The following CDC40 variants were observed in gnomAD, a reference collection of about 807,000 sequenced individuals.
CDC40 encodes the protein cell division cycle 40, also known as pre-mRNA-processing factor 17.
Under a neutral mutation model 80.6 loss-of-function variants are expected in CDC40, and 27 were observed. The ratio of observed to expected loss-of-function variants is 0.33; its 90% CI spans 0.25 to 0.46. The LOEUF (loss-of-function observed/expected upper bound fraction) is 0.46, where lower values mean the gene tolerates loss of function less well. Among genes scored for constraint, CDC40 ranks in the 20% least tolerant of loss-of-function variants. CDC40 has a pLI of 1.00. For missense variants in CDC40, 486 were observed against 694.1 expected, an observed-to-expected ratio of 0.70 and a Z score of 3.37; for synonymous variants, 221 against 232.6, an observed-to-expected ratio of 0.95 and a Z score of 0.45.
In CDC40 at chr6:110,209,952, G is replaced by A. The variant is rs2114663047; in HGVS notation, c.630+729G>A. 1.3e-5 allele frequency among the ~76,000 whole-genome samples: 2 copies of A among 152,118 alleles called. 1 individual carries two copies. Among genetic ancestry groups the A allele is most frequent in the South Asian group, 4.2e-4 (2 of 4,814 alleles). On this transcript the variant is annotated intron_variant, in intron 5 of 14. Transcript: ENST00000307731. ...GAGATTTACTACTACCCCATCTTCT[G>A]TCCCCAGCTCCTCCCAAAAAAATTG...
intron 1 of CDC40, among the ~76,000 whole-genome samples, chr6:110,183,504 AG>A (rs1299407166): frequency 6.6e-6 from 1 of 152,206 alleles, no homozygotes; most frequent in Non-Finnish European, 1.5e-5. Flanking sequence ...AGTCCATTAG[AG>A]GTAGAGCTGG....
chr6:110,193,402 C>T (rs995508051), intron 2 of CDC40, 134 bp downstream of exon 2: 6 of 585,896 alleles, frequency 1.0e-5, no homozygotes, highest in Non-Finnish European at 1.8e-5. Flanking sequence ...ATACATGCTT[C>T]TTTTTTGTTG....
chr6:110,192,059 T>C (rs1157941105), intron 1 of CDC40, among the ~76,000 whole-genome samples: 1 of 152,180 alleles, frequency 6.6e-6, no homozygotes, highest in African/African-American at 2.4e-5. Flanking sequence ...GAACCAGTGG[T>C]TGTCAGGCCT....
intron 5 of CDC40, among the ~76,000 whole-genome samples, chr6:110,209,969 A>G (rs1584074988): frequency 6.6e-6 from 1 of 152,124 alleles, no homozygotes; most frequent in Non-Finnish European, 1.5e-5. Flanking sequence ...GCTCCTCCCA[A>G]AAAAATTGTG....
chr6:110,199,538 G>C (rs1018161341), intron 2 of CDC40, among the ~76,000 whole-genome samples: 1 of 150,294 alleles, frequency 6.7e-6, no homozygotes, highest in Non-Finnish European at 1.5e-5. Flanking sequence ...AGCTTGCAGC[G>C]AGCTGAGATT....
chr6:110,206,784 A>C (rs899789277), intron 3 of CDC40, among the ~76,000 whole-genome samples: 2 of 152,198 alleles, frequency 1.3e-5, no homozygotes, highest in Non-Finnish European at 2.9e-5. Context: ...TTAGCCCTGC[A>C]ATATCTATTA....
chr6:110,226,222 G>A lies in CDC40; in HGVS notation c.1396G>A (p.Ala466Thr), dbSNP rs756531555. Reference sequence around the variant, plus strand: ...AGAACCCAGTATGCACTCAATGCCTGCAGTGACTTTGTCTCCAAATGGTGA... The same window carrying A: ...AGAACCCAGTATGCACTCAATGCCTACAGTGACTTTGTCTCCAAATGGTGA... ...IAEPSMHSMPAVTLSPNGKWL... is the reference protein window; with the variant it reads ...IAEPSMHSMPTVTLSPNGKWL... The change falls in exon 13 of 15, where the codon GCA (alanine) becomes ACA (threonine). Residue 466 changes from alanine (A) to threonine (T), a missense_variant. Transcript: ENST00000307731. 5.6e-6 allele frequency: 9 copies of A among 1,604,658 alleles called. No individual in the cohort carries two copies. Among genetic ancestry groups the A allele is most frequent in the African/African-American group, 4.0e-5 (3 of 74,736 alleles).
At chr6:110,229,848 AT>A (rs1195784597) in intron 14 of CDC40, 105 bp from the exon 15 acceptor site, 4,182 of 559,746 alleles carry the variant, frequency 7.5e-3, no homozygotes, top group South Asian at 0.012. Flanking sequence ...TTTGCATTGG[AT>A]TTTTTTTTTA....
chr6:110,207,543 G>A lies in CDC40; in HGVS notation c.444G>A (p.Val148=). ...ALDPSLDNHQ[V]SAKYIGSVEE... ...ACCCTTCATTAGATAATCATCAAGT[G>A]TCTGCTAAATATATTGGTTCTGTAG... Residue 148 remains valine, a synonymous_variant, in exon 4 of 15, where the codon GTG becomes GTA. Coordinates refer to ENST00000307731, the MANE Select transcript of CDC40 (RefSeq NM_015891.3). The A allele has an allele frequency of 6.2e-7, 1 of 1,605,150 alleles. No homozygotes were observed. Among genetic ancestry groups the A allele is most frequent in the Non-Finnish European group, 8.5e-7 (1 of 1,172,676 alleles).
At chr6:110,196,963 G>A (rs997498566) in intron 2 of CDC40, among the ~76,000 whole-genome samples, 1 of 152,038 alleles carries the variant, frequency 6.6e-6, no homozygotes, top group Non-Finnish European at 1.5e-5. Context: ...AGTAATTTGG[G>A]TTATTTTTCT....
At position 110,220,985 on chromosome 6, in the gene CDC40, A is replaced by G. The variant is rs373604966; in HGVS notation, c.1340+1116A>G. Among the ~76,000 whole-genome samples, 97 of 152,290 alleles carry G rather than the reference A, an allele frequency of 6.4e-4. 1 individual carries two copies. In the South Asian group the frequency reaches 0.019, roughly 30 times the overall value. The stretch of plus-strand genomic sequence containing the variant: ...ACACAGAACCAAACCATATCACCCC[A>G]TATCATGACTCTGGTACAAATGTTT... On this transcript the variant is annotated intron_variant, in intron 12 of 14. Transcript: ENST00000307731.
At position 110,232,141 on chromosome 6, in the gene CDC40, G is replaced by T. The variant is rs1777947285; in HGVS notation, c.*2010G>T. Reference sequence around the variant, plus strand: ...TCTGGATTGATTCTGTTGTGTTTTTGACTGTTTCTAAAGTAAGTGTGTATA... The same window carrying T: ...TCTGGATTGATTCTGTTGTGTTTTTTACTGTTTCTAAAGTAAGTGTGTATA... On this transcript the variant is annotated 3_prime_UTR_variant, in exon 15 of 15. Coordinates refer to ENST00000307731, the MANE Select transcript of CDC40 (RefSeq NM_015891.3). 6.6e-6 allele frequency: 1 copy of T among 152,322 alleles called. No homozygotes were observed. The allele number at this position is 152,322 out of a possible 1,614,324, so 9.4% of individuals were successfully genotyped here. A position where few individuals can be genotyped will look rare whatever the true frequency, so the allele number is the denominator to read the frequency against.
At chr6:110,208,469 C>A (rs1292229233) in intron 4 of CDC40, among the ~76,000 whole-genome samples, 1 of 152,098 alleles carries the variant, frequency 6.6e-6, no homozygotes, top group South Asian at 2.1e-4. Context: ...ACCAGAAACA[C>A]CCTCCTTCTC....
At chr6:110,217,515 GCCC>G (rs1236933912) in intron 9 of CDC40, among the ~76,000 whole-genome samples, 184 bp from the exon 10 acceptor site, 1 of 151,808 alleles carries the variant, frequency 6.6e-6, no homozygotes, top group African/African-American at 2.4e-5. Flanking sequence ...GGAAAAAAAC[GCCC>G]ACATTCTGAA....
At chr6:110,206,609 C>T (rs371266387) in intron 3 of CDC40, among the ~76,000 whole-genome samples, 1 of 152,122 alleles carries the variant, frequency 6.6e-6, no homozygotes, top group African/African-American at 2.4e-5. Flanking sequence ...GGTAGATATC[C>T]TTCCTTCTCT....
At chr6:110,180,841 C>T (rs1777176339) in intron 1 of CDC40, among the ~76,000 whole-genome samples, 1 of 152,222 alleles carries the variant, frequency 6.6e-6, no homozygotes, top group Admixed American at 6.5e-5. Context: ...GCCCTTGCCT[C>T]CCGCCATCAG....
chr6:110,201,909 A>G lies in CDC40; in HGVS notation c.406+222A>G, dbSNP rs570289376. Among the ~76,000 whole-genome samples, 3 of 152,352 alleles carry G rather than the reference A, an allele frequency of 2.0e-5. No homozygotes were observed. In the South Asian group the frequency reaches 6.2e-4, roughly 32 times the overall value. ...CCACTGTGATTTCTGAGTACTGGAA[A>G]TATTCTGTGATCTTAACCAGAATGC... is the stretch of plus-strand genomic sequence containing the variant. On this transcript the variant is annotated intron_variant, in intron 3 of 14. Transcript: ENST00000307731.
chr6:110,210,505 T>G (rs1239067152), intron 5 of CDC40, among the ~76,000 whole-genome samples: 1 of 145,022 alleles, frequency 6.9e-6, no homozygotes, highest in African/African-American at 2.6e-5. Context: ...GAGCAGAGAT[T>G]CGCGCCACTG....
chr6:110,195,064 T>C (rs1777401258), intron 2 of CDC40, among the ~76,000 whole-genome samples: 1 of 152,160 alleles, frequency 6.6e-6, no homozygotes, highest in Non-Finnish European at 1.5e-5. Context: ...TGATAGGACT[T>C]AAAAGGGAAG....
Sources: gnomAD v4.1 joint callset for allele counts (sites outside exome capture counted in the v4.1 genomes callset) on GRCh38, gnomAD v4.1.1 for gene constraint, MANE v1.5 for transcripts, NCBI Gene and HGNC (gene_info 2026-07-23, HGNC 2026-07-21) for gene names.